The following TXLNG variants were observed in gnomAD, a reference collection of about 807,000 sequenced individuals.
TXLNG encodes the protein gamma-taxilin.
TXLNG carries 5 observed loss-of-function variants against 38.8 expected under a neutral mutation model. That is an observed-to-expected ratio of 0.13 (90% CI 0.07 to 0.27). The LOEUF is 0.27. Ranked by LOEUF, TXLNG falls within the 10% of genes least tolerant of loss-of-function variation. The probability of loss-of-function intolerance (pLI) is 1.00; values close to 1 mark genes in which losing one functional copy is unlikely to be tolerated. For synonymous variants in TXLNG, 182 were observed against 158.2 expected, an observed-to-expected ratio of 1.15 and a Z score of -1.13; for missense variants, 393 against 398.2, an observed-to-expected ratio of 0.99 and a Z score of 0.11.
At chrX:16,822,914 C>G (rs1336340732) in intron 3 of TXLNG, among the ~76,000 whole-genome samples, 5 of 111,760 alleles carry the variant, frequency 4.5e-5, no homozygotes, top group African/African-American at 1.6e-4. Flanking sequence ...GCTGCCAGAC[C>G]TTGGATCACA....
intron 1 of TXLNG, among the ~76,000 whole-genome samples, chrX:16,788,672 T>TTTTG (rs1382100692): frequency 1.0e-5 from 1 of 99,540 alleles, no homozygotes; most frequent in Non-Finnish European, 2.1e-5. Flanking sequence ...GTTGTGTTTT[T>TTTTG]TTTTTTTTTT....
Position 16,844,395 on chromosome X carries a change from G to T in TXLNG, c.*2629G>T, listed in dbSNP as rs948575368. ...CAGCCCACGTCTTTCATGAGGATAC[G>T]AATTGTTAAGAGGCAGTCTCGTTTT... On this transcript the variant is annotated 3_prime_UTR_variant, in exon 10 of 10. Transcript: ENST00000380122. The T allele has an allele frequency of 8.9e-6, 1 of 112,259 alleles. No individual in the cohort carries two copies. The highest frequency in any genetic ancestry group is 3.2e-5 in the African/African-American group (1 of 30,860). The allele number at this position is 112,259 out of a possible 1,213,427, so 9.3% of individuals were successfully genotyped here.
At chrX:16,803,192 C>A (rs1252153508) in intron 1 of TXLNG, 1 of 110,951 alleles carries the variant, frequency 9.0e-6, no homozygotes, top group Non-Finnish European at 1.9e-5. Flanking sequence ...CTAAGTTTGA[C>A]CCAACAAACT....
intron 1 of TXLNG, among the ~76,000 whole-genome samples, chrX:16,793,186 A>G (rs1460477895): frequency 9.0e-6 from 1 of 111,358 alleles, no homozygotes; most frequent in Non-Finnish European, 1.9e-5. Context: ...GAGGGTAGAA[A>G]TAGGTAAGGT....
At chrX:16,809,102 A>C (rs1928421051) in intron 1 of TXLNG, among the ~76,000 whole-genome samples, 1 of 111,418 alleles carries the variant, frequency 9.0e-6, no homozygotes, top group Admixed American at 9.7e-5. Flanking sequence ...TCAGAAGTAC[A>C]TTATGTGCTA....
intron 1 of TXLNG, among the ~76,000 whole-genome samples, chrX:16,817,423 A>C (rs1220090331): frequency 1.8e-5 from 2 of 112,218 alleles, no homozygotes; most frequent in Non-Finnish European, 3.8e-5. Flanking sequence ...TAACCTCTCT[A>C]TCCCCTCCTA....
At position 16,828,276 on chromosome X, in the gene TXLNG, CATTT is replaced by C; in HGVS notation, c.669+13_669+16del. On this transcript the variant is annotated intron_variant, in intron 4 of 9. Transcript: ENST00000380122. ...ATAAGACGTTAAAGGTTAGTTGCTT[CATTT>C]GTCTGTTTTTTTCAGGAGGGACTTA... 3 of 1,181,359 alleles carry C rather than the reference CATTT, an allele frequency of 2.5e-6. No individual in the cohort carries two copies.
At position 16,804,241 on chromosome X, in the gene TXLNG, T is replaced by C. The variant is rs1478392142; in HGVS notation, c.103-14333T>C. Among the ~76,000 whole-genome samples the C allele has an allele frequency of 8.0e-5, 9 of 111,835 alleles. No homozygotes were observed. In the East Asian group the frequency reaches 2.5e-3, roughly 31 times the overall value. On this transcript the variant is annotated intron_variant, in intron 1 of 9. Coordinates refer to ENST00000380122, the MANE Select transcript of TXLNG (RefSeq NM_018360.3). ...TGCCTTTTTTCCTACCTAATTATAC[T>C]ATGTCGGCATACGATCTGTTTTATT... is the stretch of plus-strand genomic sequence containing the variant.
At chrX:16,790,348 T>C (rs1031422182) in intron 1 of TXLNG, among the ~76,000 whole-genome samples, 1 of 110,703 alleles carries the variant, frequency 9.0e-6, no homozygotes, top group Non-Finnish European at 1.9e-5. Context: ...TCCCCTAGAC[T>C]ACTGACAGCC....
intron 2 of TXLNG, 138 bp downstream of exon 2, chrX:16,819,015 A>T: frequency 1.7e-6 from 1 of 572,166 alleles, no homozygotes; most frequent in Non-Finnish European, 2.6e-6. Context: ...AGGTCAGTCC[A>T]TGTGTCTGCT....
chrX:16,838,910 C>A (rs767455340), intron 8 of TXLNG, among the ~76,000 whole-genome samples: 16 of 111,960 alleles, frequency 1.4e-4, no homozygotes, highest in African/African-American at 4.9e-4. Context: ...TCCACCAGCT[C>A]TTCCCATGGC....
At chrX:16,795,980 T>G (rs370309218) in intron 1 of TXLNG, among the ~76,000 whole-genome samples, 1 of 107,209 alleles carries the variant, frequency 9.3e-6, no homozygotes, top group East Asian at 3.0e-4. Context: ...GCCCGGCTAA[T>G]TTTTTGTATT....
At chrX:16,807,042 C>T (rs1455285182) in intron 1 of TXLNG, among the ~76,000 whole-genome samples, 1 of 111,283 alleles carries the variant, frequency 9.0e-6, no homozygotes, top group Non-Finnish European at 1.9e-5. Flanking sequence ...TGAGATAGGG[C>T]CACTGCACTC....
At chrX:16,833,112 T>C (rs889444867) in intron 6 of TXLNG, among the ~76,000 whole-genome samples, 1 of 112,421 alleles carries the variant, frequency 8.9e-6, no homozygotes, top group Non-Finnish European at 1.9e-5. Context: ...ATGTTAAATT[T>C]GGTGATTCAG....
rs373989517 is a variant in TXLNG at position 16,813,368 on chromosome X, G to A, written c.103-5206G>A. Among the ~76,000 whole-genome samples the A allele has an allele frequency of 1.5e-3, 162 of 110,661 alleles. No individual in the cohort carries two copies. The Middle Eastern group carries it at 0.023, about 16-fold the overall frequency. ...TTTAAATGGTACCAGTGAGCTGCGC[G>A]TGGTGGCTCACGCCTGTAATCCTAG... On this transcript the variant is annotated intron_variant, in intron 1 of 9. Coordinates refer to ENST00000380122, the MANE Select transcript of TXLNG (RefSeq NM_018360.3).
At chrX:16,825,113 C>T (rs1350236073) in intron 3 of TXLNG, among the ~76,000 whole-genome samples, 2 of 111,623 alleles carry the variant, frequency 1.8e-5, no homozygotes, top group African/African-American at 3.3e-5. Flanking sequence ...AACAAAGATA[C>T]GAAGATACCT....
intron 1 of TXLNG, among the ~76,000 whole-genome samples, chrX:16,805,381 G>A (rs1164246296): frequency 9.0e-6 from 1 of 110,948 alleles, no homozygotes; most frequent in Non-Finnish European, 1.9e-5. Context: ...CTCTGTCTAT[G>A]GAGCAGTCAT....
chrX:16,840,444 G>T lies in TXLNG; in HGVS notation c.1248+528G>T, dbSNP rs1214033326. On this transcript the variant is annotated intron_variant, in intron 9 of 9. Coordinates refer to ENST00000380122, the MANE Select transcript of TXLNG (RefSeq NM_018360.3). ...TTTGCCTGTTTTATATAACACTTCA[G>T]GAAAGAAAGAAAACGCTGGGGCACA... 4 of 752,919 alleles carry T rather than the reference G, an allele frequency of 5.3e-6. No homozygotes were observed. The African/African-American group carries it at 9.2e-5, about 17-fold the overall frequency. 62.0% of individuals were successfully genotyped at this position (752,919 alleles called of 1,213,427 possible). A position where few individuals can be genotyped will look rare whatever the true frequency, so the allele number is the denominator to read the frequency against.
intron 1 of TXLNG, among the ~76,000 whole-genome samples, chrX:16,808,137 A>G (rs1030730168): frequency 3.4e-4 from 38 of 111,593 alleles, no homozygotes; most frequent in African/African-American, 1.2e-3. Context: ...AGTGGAAGGA[A>G]GATTGCGAAA....
Sources: allele counts gnomAD v4.1 joint callset (sites outside exome capture counted in the v4.1 genomes callset), GRCh38; gene constraint gnomAD v4.1.1; transcripts MANE v1.5; gene names NCBI Gene and HGNC (gene_info 2026-07-23, HGNC 2026-07-21).